The following ZC3HAV1L variants were observed in gnomAD, a reference collection of about 807,000 sequenced individuals.
ZC3HAV1L encodes the protein zinc finger CCCH-type antiviral protein 1-like.
ZC3HAV1L carries 23 observed loss-of-function variants against 28.2 expected under a neutral mutation model. The observed-to-expected ratio is 0.82, with a 90% CI of 0.59 to 1.16. The LOEUF (loss-of-function observed/expected upper bound fraction) is 1.16. Among genes scored for constraint, ZC3HAV1L ranks in the 50% most tolerant of loss-of-function variants. ZC3HAV1L has a pLI of 0.00. For synonymous variants in ZC3HAV1L, 180 were observed against 163.4 expected, an observed-to-expected ratio of 1.10 and a Z score of -0.78; for missense variants, 376 against 387.7, an observed-to-expected ratio of 0.97 and a Z score of 0.25.
Position 139,026,476 on chromosome 7 carries a change from C to A in ZC3HAV1L, c.*68G>T. 6.2e-7 allele frequency: 1 copy of A among 1,600,996 alleles called. No homozygotes were observed. The highest frequency in any genetic ancestry group is 8.5e-7 in the Non-Finnish European group (1 of 1,175,624). Reference sequence around the variant, plus strand: ...CTCTCTTTGCCTGTTCAATGTCCCACCCCATCCCCAACCACCCATGCCCAA... The same window carrying A: ...CTCTCTTTGCCTGTTCAATGTCCCAACCCATCCCCAACCACCCATGCCCAA... On this transcript the variant is annotated 3_prime_UTR_variant, in exon 5 of 5. Transcript: ENST00000275766.
At chr7:139,027,079 G>A (rs1815375749) in intron 3 of ZC3HAV1L, among the ~76,000 whole-genome samples, 1 of 152,136 alleles carries the variant, frequency 6.6e-6, no homozygotes, top group South Asian at 2.1e-4. Flanking sequence ...GACAATGACA[G>A]GCCCTAGACA....
chr7:139,028,674 C>T, intron 3 of ZC3HAV1L, 28 bp downstream of exon 3: 1 of 1,603,214 alleles, frequency 6.2e-7, no homozygotes, highest in Non-Finnish European at 8.5e-7. Flanking sequence ...ATCGCTGATA[C>T]TTCTCTGTCC....
chr7:139,028,604 C>T (rs572591584), intron 3 of ZC3HAV1L, 98 bp downstream of exon 3: 1 of 1,473,892 alleles, frequency 6.8e-7, no homozygotes, highest in African/African-American at 1.4e-5. Context: ...CTGCTTTGCC[C>T]CCAGACTCAC....
At chr7:139,024,297 C>T (rs1815302924), downstream of ZC3HAV1L, among the ~76,000 whole-genome samples, 1 of 151,998 alleles carries the variant, frequency 6.6e-6, no homozygotes. Flanking sequence ...GAATAAAATA[C>T]TGCAACAAAG....
At chr7:139,033,663 G>A in intron 2 of ZC3HAV1L, 1 of 940,220 alleles carries the variant, frequency 1.1e-6, no homozygotes, top group East Asian at 1.2e-4. Flanking sequence ...AGGTGAGGCT[G>A]GGCCCAAGAT....
At position 139,027,238 on chromosome 7, in the gene ZC3HAV1L, C is replaced by T. The variant is rs757305750; in HGVS notation, c.761-405G>A. 2.6e-5 allele frequency among the ~76,000 whole-genome samples: 4 copies of T among 152,206 alleles called. No individual in the cohort carries two copies. In the South Asian group the frequency reaches 8.3e-4, roughly 31 times the overall value. On this transcript the variant is annotated intron_variant, in intron 3 of 4. Coordinates refer to ENST00000275766, the MANE Select transcript of ZC3HAV1L (RefSeq NM_080660.4). ...CTCGATGGTGAAAGCTTAGCAACTC[C>T]GCCTTTGGTGATTTACCTTTCCCAA...
chr7:139,030,262 C>G (rs573097773), intron 2 of ZC3HAV1L, among the ~76,000 whole-genome samples: 1 of 151,656 alleles, frequency 6.6e-6, no homozygotes, highest in Admixed American at 6.6e-5. Context: ...CTGGCCAACA[C>G]GGTGAAACCC....
At chr7:139,029,579 TAG>T (rs910807843) in intron 2 of ZC3HAV1L, among the ~76,000 whole-genome samples, 10 of 152,198 alleles carry the variant, frequency 6.6e-5, no homozygotes, top group Non-Finnish European at 1.5e-4. Flanking sequence ...AAAAAAATGC[TAG>T]AGTGCCTCAA....
At chr7:139,030,854 T>A (rs10279996) in intron 2 of ZC3HAV1L, among the ~76,000 whole-genome samples, 73,166 of 150,572 alleles carry the variant, frequency 0.49, 18,207 homozygotes, top group Non-Finnish European at 0.52. Context: ...AATTAATTAA[T>A]TAAATAAAGT....
rs1584816368 is a variant in ZC3HAV1L at position 139,026,218 on chromosome 7, G to A, written c.*326C>T. The stretch of plus-strand genomic sequence containing the variant: ...TCTGTGCAAAAACATGATTATGTAC[G>A]ATGTGAACAAATATAGAAAGATGCT... On this transcript the variant is annotated 3_prime_UTR_variant, in exon 5 of 5. Coordinates refer to ENST00000275766, the MANE Select transcript of ZC3HAV1L (RefSeq NM_080660.4). 3 of 316,072 alleles carry A rather than the reference G, an allele frequency of 9.5e-6. No homozygotes were observed. The highest frequency in any genetic ancestry group is 1.7e-5 in the Non-Finnish European group (3 of 173,480). 19.6% of individuals were successfully genotyped at this position (316,072 alleles called of 1,614,324 possible).
chr7:139,022,044 T>G (rs1347471738), downstream of ZC3HAV1L, among the ~76,000 whole-genome samples: 1 of 151,912 alleles, frequency 6.6e-6, no homozygotes, highest in African/African-American at 2.4e-5. Context: ...ATATAAAACC[T>G]AGACAAAAAG....
At position 139,034,583 on chromosome 7, in the gene ZC3HAV1L, CG is replaced by C. The variant is rs1164361226; in HGVS notation, c.460del (p.Arg154GlyfsTer45). ...GGGGTCATTCTGCAAAAGCAGGATC[CG>C]AAGCTGGTTTTCATTGAGACCAAAA... ...GLFGLNENQL[R>X]ILLLQNDPCL... On this transcript the variant is annotated frameshift_variant, in exon 2 of 5. Coordinates refer to ENST00000275766, the MANE Select transcript of ZC3HAV1L (RefSeq NM_080660.4). LOFTEE classifies it high-confidence loss of function. The C allele has an allele frequency of 6.2e-7, 1 of 1,614,052 alleles. No individual in the cohort carries two copies. Among genetic ancestry groups the C allele is most frequent in the East Asian group, 2.2e-5 (1 of 44,878 alleles).
chr7:139,028,665 T>A (rs759422483), intron 3 of ZC3HAV1L, 37 bp downstream of exon 3: 8 of 1,597,252 alleles, frequency 5.0e-6, no homozygotes, highest in African/African-American at 1.3e-5. Context: ...CAAAACCATA[T>A]CGCTGATACT....
downstream of ZC3HAV1L, among the ~76,000 whole-genome samples, chr7:139,022,051 AAAG>A (rs1815257059): frequency 6.6e-6 from 1 of 152,122 alleles, no homozygotes; most frequent in Non-Finnish European, 1.5e-5. Context: ...ACCTAGACAA[AAAG>A]AAGAACCAAG....
chr7:139,035,753 G>C lies in ZC3HAV1L; in HGVS notation c.265C>G (p.Arg89Gly). The C allele has an allele frequency of 6.7e-7, 1 of 1,496,700 alleles. No individual in the cohort carries two copies. The highest frequency in any genetic ancestry group is 2.2e-5 in the Admixed American group (1 of 45,976). The allele number at this position is 1,496,700 out of a possible 1,614,324, so 92.7% of individuals were successfully genotyped here. The change falls in exon 1 of 5, where the codon CGC (arginine) becomes GGC (glycine). Residue 89 changes from arginine to glycine, a missense_variant. Physicochemically the swap from Arg to Gly is moderately radical, Grantham distance 125. Coordinates refer to ENST00000275766, the MANE Select transcript of ZC3HAV1L (RefSeq NM_080660.4). ...CCGCGCTGGTAGCGGGCGCAGAGGC[G>C]CACAGAGGACACGGCCACCACCCTC... The part of the protein sequence containing the change: ...AWRVVAVSSV[R>G]LCARYQRGEC...
In ZC3HAV1L at chr7:139,034,561, G is replaced by T. The variant is rs1179632266; in HGVS notation, c.483C>A (p.Asp161Glu). ...NQLRILLLQN[D>E]PCLLPEVCLL... Reference sequence around the variant, plus strand: ...GACTCACCTCTGGTAAAAGACAGGGGTCATTCTGCAAAAGCAGGATCCGAA... The same window carrying T: ...GACTCACCTCTGGTAAAAGACAGGGTTCATTCTGCAAAAGCAGGATCCGAA... The change falls in exon 2 of 5, where the codon GAC (aspartate) becomes GAA (glutamate). Residue 161 changes from aspartate (D) to glutamate (E), a missense_variant. Physicochemically the swap from Asp to Glu is conservative, Grantham distance 45. Transcript: ENST00000275766. 4 of 1,614,058 alleles carry T rather than the reference G, an allele frequency of 2.5e-6. No individual in the cohort carries two copies. The highest frequency in any genetic ancestry group is 1.3e-5 in the African/African-American group (1 of 74,922).
intron 3 of ZC3HAV1L, among the ~76,000 whole-genome samples, chr7:139,027,840 A>G (rs2130627189): frequency 6.6e-6 from 1 of 152,342 alleles, no homozygotes; most frequent in South Asian, 2.1e-4. Flanking sequence ...GTTTGTATAT[A>G]ACAGAACTGA....
At chr7:139,021,765 A>G (rs1218499519), downstream of ZC3HAV1L, among the ~76,000 whole-genome samples, 1 of 152,126 alleles carries the variant, frequency 6.6e-6, no homozygotes, top group African/African-American at 2.4e-5. Context: ...ATCCTAACAA[A>G]GAACATTTGT....
In ZC3HAV1L at chr7:139,029,095, C is replaced by T. The variant is rs537261996; in HGVS notation, c.502-135G>A. 269 of 1,030,922 alleles carry T rather than the reference C, an allele frequency of 2.6e-4. 2 individuals are homozygous for T. The highest frequency in any genetic ancestry group is 5.3e-4 in the South Asian group (31 of 58,092). The allele number at this position is 1,030,922 out of a possible 1,614,324, so 63.9% of individuals were successfully genotyped here. A position where few individuals can be genotyped will look rare whatever the true frequency, so the allele number is the denominator to read the frequency against. On this transcript the variant is annotated intron_variant, in intron 2 of 4. Transcript: ENST00000275766. The stretch of plus-strand genomic sequence containing the variant: ...TTGGCTCACTGCAACCTCCATCTCC[C>T]GCGTTCAAGCAATTCTCCTGCCTCA...
Sources: allele counts gnomAD v4.1 joint callset (sites outside exome capture counted in the v4.1 genomes callset), GRCh38; gene constraint gnomAD v4.1.1; transcripts MANE v1.5; gene names NCBI Gene and HGNC (gene_info 2026-07-23, HGNC 2026-07-21).